Variants in ZNF880 observed in about 807,000 individuals in gnomAD.
ZNF880 encodes zinc finger protein LOC400713.
In ZNF880, 12 loss-of-function variants were observed where a neutral mutation model predicts 11.8. The observed-to-expected ratio is 1.02, with a 90% CI of 0.65 to 1.65. ZNF880 has a LOEUF of 1.65. Among genes scored for constraint, ZNF880 ranks in the 40% most tolerant of loss-of-function variants. The pLI, the probability that ZNF880 is intolerant of heterozygous loss-of-function variation, is 0.00. For synonymous variants in ZNF880, 210 were observed against 232.4 expected, an observed-to-expected ratio of 0.90 and a Z score of 0.88; for missense variants, 601 against 673.9, an observed-to-expected ratio of 0.89 and a Z score of 1.20.
chr19:52,371,372 ATGGAGTCTCTCTTTGTCACCCAGGC>A (rs1413520385), intron 1 of ZNF880, among the ~76,000 whole-genome samples: 2 of 149,422 alleles, frequency 1.3e-5, no homozygotes, highest in Non-Finnish European at 3.0e-5. Flanking sequence ...TTTTTCTGAG[ATGGAGTCTCTCTTTGTCACCCAGGC>A]TGGAGTCTCG....
At chr19:52,380,083 A>G (rs1986665918) in intron 3 of ZNF880, 1 of 151,596 alleles carries the variant, frequency 6.6e-6, no homozygotes, top group Non-Finnish European at 1.5e-5. Flanking sequence ...CTTCTTTAAT[A>G]GAGACAGGTT....
At chr19:52,371,928 G>A (rs960153239) in intron 1 of ZNF880, among the ~76,000 whole-genome samples, 3 of 151,994 alleles carry the variant, frequency 2.0e-5, no homozygotes, top group African/African-American at 7.2e-5. Context: ...GGTAGCTTAC[G>A]CCTGTAATCC....
rs1443567899 is a variant in ZNF880 at position 52,384,172 on chromosome 19, A to G, written c.592A>G (p.Arg198Gly). ...EHGKAFRVSS[R>G]LANNQVIHTA... ...TGGCAAAGCCTTTAGAGTGTCTTCA[A>G]GACTTGCTAACAATCAAGTAATCCA... The change falls in exon 4 of 4, where the codon AGA (arginine) becomes GGA (glycine). Residue 198 changes from arginine to glycine, a missense_variant. Arg to Gly is a moderately radical substitution (Grantham distance 125, BLOSUM62 -2). This residue lies in a region of ZNF880 where 420 missense variants were observed against 442.6 expected (regional missense o/e 0.95). Coordinates refer to ENST00000422689, the MANE Select transcript of ZNF880 (RefSeq NM_001145434.2). 6.2e-7 allele frequency: 1 copy of G among 1,609,524 alleles called. No individual in the cohort carries two copies. Among genetic ancestry groups the G allele is most frequent in the Non-Finnish European group, 8.5e-7 (1 of 1,177,534 alleles).
upstream of ZNF880, among the ~76,000 whole-genome samples, chr19:52,369,297 G>A (rs1227332879): frequency 8.7e-5 from 13 of 149,452 alleles, no homozygotes; most frequent in Non-Finnish European, 1.9e-4. Flanking sequence ...AGGCGGCGGA[G>A]GTTGCAGTGA....
At chr19:52,368,205 A>C (rs931103732), upstream of ZNF880, among the ~76,000 whole-genome samples, 2 of 42,884 alleles carry the variant, frequency 4.7e-5, no homozygotes, top group African/African-American at 4.0e-4. Context: ...GCTCCGTCTC[A>C]AAAAAAAAAA....
downstream of ZNF880, among the ~76,000 whole-genome samples, chr19:52,386,285 T>G (rs1157654581): frequency 7.0e-6 from 1 of 143,678 alleles, no homozygotes; most frequent in African/African-American, 2.7e-5. Flanking sequence ...CGTTTTCTTA[T>G]TATTGTCTGA....
intron 3 of ZNF880, among the ~76,000 whole-genome samples, chr19:52,378,695 C>T (rs1358757184): frequency 2.0e-5 from 3 of 151,570 alleles, no homozygotes; most frequent in Admixed American, 2.0e-4. Context: ...TGCCCGAGTC[C>T]TCGTGACAGA....
intron 3 of ZNF880, 72 bp from the exon 4 acceptor site, chr19:52,383,777 C>G: frequency 1.4e-6 from 2 of 1,425,276 alleles, no homozygotes; most frequent in Middle Eastern, 1.8e-4. Context: ...GAGGCAGAAT[C>G]TAGTCTCTCT....
chr19:52,369,824 C>T (rs1431648102), upstream of ZNF880: 2 of 1,063,616 alleles, frequency 1.9e-6, no homozygotes, highest in Non-Finnish European at 1.4e-6. Context: ...CAGGTCTAGC[C>T]TCCAAAACGA....
intron 1 of ZNF880, chr19:52,370,323 TCTTTTCACAGGCCTGCCCC>T: frequency 3.0e-6 from 1 of 334,086 alleles, no homozygotes; most frequent in South Asian, 4.4e-5. Context: ...AGCCTCGCCC[TCTTTTCACAGGCCTGCCCC>T]CTTTTCTGTG....
intron 1 of ZNF880, among the ~76,000 whole-genome samples, 183 bp from the exon 2 acceptor site, chr19:52,372,928 A>AG (rs1482381181): frequency 2.6e-5 from 4 of 151,328 alleles, no homozygotes; most frequent in African/African-American, 9.7e-5. Context: ...AAAAAAAAAA[A>AG]AAAAAAGAAT....
chr19:52,385,888 T>C (rs1986870875), downstream of ZNF880: 2 of 145,538 alleles, frequency 1.4e-5, 1 homozygote, highest in Non-Finnish European at 3.0e-5. Context: ...CTTGAATCAG[T>C]AGGATGCTGG....
intron 2 of ZNF880, 148 bp from the exon 3 acceptor site, chr19:52,374,151 C>T: frequency 3.5e-6 from 2 of 575,592 alleles, no homozygotes; most frequent in Non-Finnish European, 5.9e-6. Flanking sequence ...CTGCAAGCTT[C>T]GCCTCCCAGG....
chr19:52,373,080 T>A, intron 1 of ZNF880, 31 bp from the exon 2 acceptor site: 2 of 1,610,058 alleles, frequency 1.2e-6, no homozygotes, highest in Non-Finnish European at 1.7e-6. Flanking sequence ...TTGTGTGATA[T>A]CCTGTTGGTG....
At chr19:52,393,212 A>G in the ZNF880 span, among the ~76,000 whole-genome samples, 6 of 151,874 alleles carry the variant, frequency 4.0e-5, no homozygotes, top group African/African-American at 1.5e-4. Flanking sequence ...AGCTGGGATT[A>G]CTGGTGCCTG....
rs1009052960 is a variant in ZNF880, at chr19:52,385,288, C to T, written c.1708C>T (p.His570Tyr). 49 of 1,551,882 alleles carry T rather than the reference C, an allele frequency of 3.2e-5. No homozygotes were observed. Among genetic ancestry groups the T allele is most frequent in the Non-Finnish European group, 4.2e-5 (48 of 1,147,198 alleles). The change falls in exon 4 of 4, where the codon CAT becomes TAT. Residue 570 changes from histidine (H) to tyrosine (Y), a missense_variant. His to Tyr is a moderately conservative substitution (Grantham distance 83). Transcript: ENST00000422689. ...NSNLANHHRI[H>Y]TGEKPYR Reference sequence around the variant, plus strand: ...AAACCTGGCAAATCATCACAGAATCCATACTGGAGAGAAACCGTACAGATG... The same window carrying T: ...AAACCTGGCAAATCATCACAGAATCTATACTGGAGAGAAACCGTACAGATG...
upstream of ZNF880, among the ~76,000 whole-genome samples, chr19:52,368,523 G>A (rs930985921): frequency 4.6e-5 from 7 of 152,016 alleles, no homozygotes; most frequent in African/African-American, 1.7e-4. Context: ...GTGGGGGAAA[G>A]CAGGGTATAC....
chr19:52,392,504 T>C, the ZNF880 span, among the ~76,000 whole-genome samples: 1 of 152,228 alleles, frequency 6.6e-6, no homozygotes, highest in Non-Finnish European at 1.5e-5. Context: ...TATTGCCACG[T>C]TGGCCAGGCT....
chr19:52,379,257 G>A (rs1986641554), intron 3 of ZNF880, among the ~76,000 whole-genome samples: 1 of 151,824 alleles, frequency 6.6e-6, no homozygotes, highest in African/African-American at 2.4e-5. Flanking sequence ...AGGAGTTTAT[G>A]TAACACTTAT....
Sources: allele counts gnomAD v4.1 joint callset (sites outside exome capture counted in the v4.1 genomes callset), GRCh38; gene constraint gnomAD v4.1.1; regional missense constraint gnomAD v4.1.1; transcripts MANE v1.5; gene names NCBI Gene and HGNC (gene_info 2026-07-23, HGNC 2026-07-21).